The following ROCK2 variants were observed in gnomAD, a reference collection of about 807,000 sequenced individuals.
The protein encoded by ROCK2 is Rho associated coiled-coil containing protein kinase 2.
A neutral mutation model predicts 195.1 loss-of-function variants in ROCK2; 61 were observed. That is an observed-to-expected ratio of 0.31 (90% CI 0.25 to 0.39). The LOEUF (loss-of-function observed/expected upper bound fraction) is 0.39, where lower values mean the gene tolerates loss of function less well. Ranked by LOEUF, ROCK2 falls within the 10% of genes least tolerant of loss-of-function variation. ROCK2 has a pLI of 1.00. For missense variants in ROCK2, 1,109 were observed against 1,637.4 expected (o/e 0.68, Z 5.57); for synonymous variants, 504 against 545.5 (o/e 0.92, Z 1.06).
chr2:11,199,767 T>C (rs1171981161), intron 23 of ROCK2, among the ~76,000 whole-genome samples: 2 of 152,244 alleles, frequency 1.3e-5, no homozygotes, highest in Non-Finnish European at 2.9e-5. Context: ...CATGCATTCA[T>C]TCATTCATGG....
In ROCK2 at chr2:11,270,540, T is replaced by C. The variant is rs148130612; in HGVS notation, c.324+15999A>G. 1.1e-4 allele frequency among the ~76,000 whole-genome samples: 17 copies of C among 152,332 alleles called. No homozygotes were observed. The East Asian group carries it at 3.3e-3, about 29-fold the overall frequency. ...TTCTGTGATAATTCTGTTCTGATGT[T>C]TTCAGTCTTCCCTCTACATGCTTTC... On this transcript the variant is annotated intron_variant, in intron 3 of 32. Transcript: ENST00000315872.
At position 11,181,039 on chromosome 2, in the gene ROCK2, T is replaced by C. The variant is rs1662964490; in HGVS notation, c.*2398A>G. 6.6e-6 allele frequency: 1 copy of C among 151,908 alleles called. No individual in the cohort carries two copies. Among genetic ancestry groups the C allele is most frequent in the African/African-American group, 2.4e-5 (1 of 41,398 alleles). The allele number at this position is 151,908 out of a possible 1,614,324, so 9.4% of individuals were successfully genotyped here. ...CTAAGACCTTCATATGAATCTTCCT[T>C]GTACAGTTGGTCACACCATGATTCC... On this transcript the variant is annotated 3_prime_UTR_variant, in exon 33 of 33. Transcript: ENST00000315872.
intron 1 of ROCK2, among the ~76,000 whole-genome samples, chr2:11,300,297 T>G (rs1437627300): frequency 1.3e-5 from 2 of 152,198 alleles, no homozygotes; most frequent in African/African-American, 4.8e-5. Context: ...AGTTTCGCTC[T>G]TGTTGCCCAG....
rs757272897 is a variant in ROCK2, at chr2:11,267,581, TTC to T, written c.325-17785_325-17784del. ...CGAACAATAACAAAGCTTCATTGCTTTCTGAGGCAGTCCTCTCCTCAAATGTA... is the reference window on the plus strand; with the variant it reads ...CGAACAATAACAAAGCTTCATTGCTTTGAGGCAGTCCTCTCCTCAAATGTA... On this transcript the variant is annotated intron_variant, in intron 3 of 32. Coordinates refer to ENST00000315872, the MANE Select transcript of ROCK2 (RefSeq NM_004850.5). 1.2e-4 allele frequency among the ~76,000 whole-genome samples: 18 copies of T among 152,096 alleles called. No homozygotes were observed. The East Asian group carries it at 3.3e-3, about 28-fold the overall frequency.
intron 1 of ROCK2, among the ~76,000 whole-genome samples, chr2:11,341,053 C>G (rs1669087804): frequency 6.8e-6 from 1 of 146,924 alleles, no homozygotes; most frequent in Admixed American, 7.0e-5. Flanking sequence ...TCAAACACTA[C>G]AAAAGCATAT....
At chr2:11,242,094 T>C (rs1665446943) in intron 4 of ROCK2, among the ~76,000 whole-genome samples, 1 of 152,196 alleles carries the variant, frequency 6.6e-6, no homozygotes, top group Non-Finnish European at 1.5e-5. Context: ...GATCTTGGAC[T>C]TCCCAGCATC....
chr2:11,194,490 T>A (rs1394124867), intron 28 of ROCK2, 146 bp from the exon 29 acceptor site: 2 of 371,844 alleles, frequency 5.4e-6, no homozygotes, highest in African/African-American at 4.2e-5. Flanking sequence ...TTTAGGACAG[T>A]CTTCCTTAAA....
chr2:11,313,205 G>A (rs772290325), intron 1 of ROCK2, among the ~76,000 whole-genome samples: 2 of 152,038 alleles, frequency 1.3e-5, no homozygotes, highest in Non-Finnish European at 2.9e-5. Context: ...GTTAATAACA[G>A]AAACGGAAGG....
chr2:11,323,681 G>T (rs1668464599), intron 1 of ROCK2, among the ~76,000 whole-genome samples: 1 of 152,058 alleles, frequency 6.6e-6, no homozygotes, highest in Non-Finnish European at 1.5e-5. Context: ...TTTTTTAAAA[G>T]ACTTTATTTA....
Position 11,201,984 on chromosome 2 carries a change from T to C in ROCK2, c.2619+68A>G. 1 of 1,131,680 alleles carries C rather than the reference T, an allele frequency of 8.8e-7. No homozygotes were observed. Among genetic ancestry groups the C allele is most frequent in the African/African-American group, 1.5e-5 (1 of 65,856 alleles). The allele number at this position is 1,131,680 out of a possible 1,614,324, so 70.1% of individuals were successfully genotyped here. A position where few individuals can be genotyped will look rare whatever the true frequency, so the allele number is the denominator to read the frequency against. Reference sequence around the variant, plus strand: ...AGCTGCTCTTTTTATATGAGTTGTATGGTATAAATAAAATATCCCAACCAA... The same window carrying C: ...AGCTGCTCTTTTTATATGAGTTGTACGGTATAAATAAAATATCCCAACCAA... On this transcript the variant is annotated intron_variant, in intron 21 of 32. Coordinates refer to ENST00000315872, the MANE Select transcript of ROCK2 (RefSeq NM_004850.5). This position sits in a 1 kb window ranked among gnomAD's most constrained non-coding sequence, Gnocchi z 4.6.
chr2:11,326,951 G>A (rs568699657), intron 1 of ROCK2, among the ~76,000 whole-genome samples: 1 of 152,288 alleles, frequency 6.6e-6, no homozygotes, highest in African/African-American at 2.4e-5. Context: ...TAAGTTTAAA[G>A]AAAGAAAAGA....
At chr2:11,203,048 T>C (rs1374742690) in intron 20 of ROCK2, among the ~76,000 whole-genome samples, 1 of 152,126 alleles carries the variant, frequency 6.6e-6, no homozygotes, top group Admixed American at 6.5e-5. Flanking sequence ...TTTGTATACT[T>C]TGTAAAAATT....
chr2:11,182,885 A>G lies in ROCK2; in HGVS notation c.*552T>C, dbSNP rs1663058145. The G allele has an allele frequency of 6.6e-6, 1 of 152,604 alleles. No individual in the cohort carries two copies. The allele number at this position is 152,604 out of a possible 1,614,324, so 9.5% of individuals were successfully genotyped here. Reference sequence around the variant, plus strand: ...ATAGTTGCAACTGCAGCAAGTAATGATATCTGATTAATGTGTATAAAAAAT... The same window carrying G: ...ATAGTTGCAACTGCAGCAAGTAATGGTATCTGATTAATGTGTATAAAAAAT... On this transcript the variant is annotated 3_prime_UTR_variant, in exon 33 of 33. Coordinates refer to ENST00000315872, the MANE Select transcript of ROCK2 (RefSeq NM_004850.5).
intron 23 of ROCK2, 109 bp from the exon 24 acceptor site, chr2:11,198,883 C>CATT: frequency 2.1e-6 from 1 of 483,268 alleles, no homozygotes; most frequent in Admixed American, 4.2e-5. Context: ...TCTTATTTTT[C>CATT]TTTTTTTTTT....
intron 27 of ROCK2, among the ~76,000 whole-genome samples, chr2:11,196,620 T>C (rs1663646904): frequency 6.6e-6 from 1 of 152,204 alleles, no homozygotes; most frequent in South Asian, 2.1e-4. Context: ...ATAAAAAATC[T>C]TCAAAAGGAC....
chr2:11,217,208 C>G, intron 11 of ROCK2, 39 bp from the exon 12 acceptor site: 2 of 1,037,486 alleles, frequency 1.9e-6, no homozygotes, highest in South Asian at 1.3e-5. Flanking sequence ...GTATTTTGGT[C>G]ATATTTAAAG....
At chr2:11,332,160 T>A (rs1403042397) in intron 1 of ROCK2, among the ~76,000 whole-genome samples, 2 of 151,904 alleles carry the variant, frequency 1.3e-5, no homozygotes, top group Non-Finnish European at 2.9e-5. Flanking sequence ...AACCTTTTTT[T>A]AATTAAAAAA....
chr2:11,288,889 C>A (rs1182666812), intron 1 of ROCK2, among the ~76,000 whole-genome samples: 2 of 151,994 alleles, frequency 1.3e-5, no homozygotes, highest in Non-Finnish European at 2.9e-5. Context: ...GTGGGCAACA[C>A]AGTGACACCC....
In ROCK2 at chr2:11,208,438, T is replaced by C; in HGVS notation, c.2213A>G (p.Lys738Arg). Reference sequence around the variant, plus strand: ...TAAAGTTCTTTCCTCCAAGAGCTTCTTCTCCATTTCTAGTATAATAAAAAT... The same window carrying C: ...TAAAGTTCTTTCCTCCAAGAGCTTCCTCTCCATTTCTAGTATAATAAAAAT... Reference protein sequence around the residue: ...AKSEAMKEMEKKLLEERTLKQ... With the variant: ...AKSEAMKEMERKLLEERTLKQ... Residue 738 changes from lysine (K) to arginine (R), a missense_variant, in exon 19 of 33, where the codon AAG becomes AGG. By Grantham distance (26) the Lys-to-Arg change is conservative. Transcript: ENST00000315872. The C allele has an allele frequency of 6.7e-7, 1 of 1,497,812 alleles. No individual in the cohort carries two copies. Among genetic ancestry groups the C allele is most frequent in the Non-Finnish European group, 9.0e-7 (1 of 1,112,372 alleles). 92.8% of individuals were successfully genotyped at this position (1,497,812 alleles called of 1,614,324 possible).
Sources: gnomAD v4.1 joint callset for allele counts (sites outside exome capture counted in the v4.1 genomes callset) on GRCh38, gnomAD v4.1.1 for gene constraint, Gnocchi (gnomAD v3.1) non-coding constraint, MANE v1.5 for transcripts, NCBI Gene and HGNC (gene_info 2026-07-23, HGNC 2026-07-21) for gene names.